The following GPHN variants were observed in gnomAD, a reference collection of about 807,000 sequenced individuals.
GPHN encodes gephyrin.
GPHN carries 17 observed loss-of-function variants against 95.5 expected under a neutral mutation model. The observed-to-expected ratio is 0.18, with a 90% CI of 0.12 to 0.27. The LOEUF (loss-of-function observed/expected upper bound fraction) is 0.27, where lower values mean the gene tolerates loss of function less well. Ranked by LOEUF, GPHN falls within the 10% of genes least tolerant of loss-of-function variation. GPHN has a pLI of 1.00. For missense variants in GPHN, 660 were observed against 978.1 expected (o/e 0.67, Z 4.34); for synonymous variants, 320 against 322.5 (o/e 0.99, Z 0.08).
intron 12 of GPHN, among the ~76,000 whole-genome samples, chr14:67,098,934 G>A (rs536724913): frequency 1.1e-4 from 16 of 152,114 alleles, no homozygotes; most frequent in East Asian, 1.9e-4. Context: ...GTTTATTCAC[G>A]TTTGAGATGC....
intron 12 of GPHN, among the ~76,000 whole-genome samples, chr14:67,090,831 A>G (rs2077118444): frequency 6.6e-6 from 1 of 151,978 alleles, no homozygotes; most frequent in Non-Finnish European, 1.5e-5. Flanking sequence ...TAAATTTTTT[A>G]GCTTCAGTTT....
the GPHN span, among the ~76,000 whole-genome samples, chr14:67,195,196 G>A: frequency 2.0e-5 from 3 of 152,190 alleles, no homozygotes; most frequent in Non-Finnish European, 4.4e-5. Context: ...TGATAAAAGA[G>A]CCTGTTAACA....
At chr14:67,522,738 G>A in the GPHN span, among the ~76,000 whole-genome samples, 3 of 152,144 alleles carry the variant, frequency 2.0e-5, no homozygotes, top group East Asian at 1.9e-4. Flanking sequence ...CATAGGAGCC[G>A]GCTGAGAGAC....
the GPHN span, among the ~76,000 whole-genome samples, chr14:67,308,580 C>G: frequency 7.2e-5 from 10 of 138,058 alleles, no homozygotes; most frequent in African/African-American, 2.8e-4. Context: ...GAGTTTCACT[C>G]TGTTGTCCAG....
chr14:67,722,957 G>A, the GPHN span, among the ~76,000 whole-genome samples: 13 of 152,178 alleles, frequency 8.5e-5, no homozygotes, highest in African/African-American at 2.9e-4. Flanking sequence ...TACTGCCAGC[G>A]GAAGGCTGCA....
At chr14:67,620,182 G>T in the GPHN span, 3 of 856,154 alleles carry the variant, frequency 3.5e-6, no homozygotes, top group Non-Finnish European at 5.2e-6. Context: ...GGGAGGCGAG[G>T]AGAGGATGGG....
At chr14:67,722,570 AG>A in the GPHN span, 3 of 1,303,160 alleles carry the variant, frequency 2.3e-6, no homozygotes, top group African/African-American at 2.9e-5. Flanking sequence ...GAGCCAGACC[AG>A]GAACCTGAGC....
At chr14:67,663,547 G>A in the GPHN span, among the ~76,000 whole-genome samples, 4 of 151,462 alleles carry the variant, frequency 2.6e-5, no homozygotes, top group Non-Finnish European at 3.0e-5. Context: ...GGTGGTGGGC[G>A]CCTGTATTCC....
At chr14:67,640,296 A>AC in the GPHN span, among the ~76,000 whole-genome samples, 1 of 152,128 alleles carries the variant, frequency 6.6e-6, no homozygotes, top group East Asian at 1.9e-4. Context: ...AAGTGTAATG[A>AC]CCAAAAGATA....
chr14:66,556,788 A>C (rs558271159), intron 1 of GPHN, among the ~76,000 whole-genome samples: 1 of 152,286 alleles, frequency 6.6e-6, no homozygotes, highest in East Asian at 1.9e-4. Flanking sequence ...TTATTTCATT[A>C]TAATTTTAAA....
At chr14:67,361,419 T>TA in the GPHN span, among the ~76,000 whole-genome samples, 1 of 152,246 alleles carries the variant, frequency 6.6e-6, no homozygotes, top group Non-Finnish European at 1.5e-5. Context: ...GATTCGGTGA[T>TA]AACTTTCTTT....
chr14:67,279,739 TG>T, the GPHN span: 1 of 446,284 alleles, frequency 2.2e-6, no homozygotes, highest in Non-Finnish European at 3.8e-6. Flanking sequence ...GTGGCTTAAA[TG>T]TTAAGTCACT....
chr14:67,094,978 TA>T (rs1424037677), intron 12 of GPHN, among the ~76,000 whole-genome samples: 2 of 152,210 alleles, frequency 1.3e-5, no homozygotes, highest in Non-Finnish European at 2.9e-5. Context: ...AGTTGTATAA[TA>T]GGCTATACCA....
At chr14:66,816,319 G>C (rs2319499) in intron 3 of GPHN, among the ~76,000 whole-genome samples, 1,910 of 152,222 alleles carry the variant, frequency 0.013, 19 homozygotes, top group Non-Finnish European at 0.018. Flanking sequence ...GATATCTACA[G>C]AACTCTCCAC....
chr14:67,340,222 G>T, the GPHN span: 15 of 472,706 alleles, frequency 3.2e-5, no homozygotes, highest in Non-Finnish European at 5.3e-5. Context: ...TTCTCTGAAA[G>T]GCCTAAGTTT....
intron 11 of GPHN, among the ~76,000 whole-genome samples, chr14:67,067,926 C>G (rs1190136862): frequency 1.3e-5 from 2 of 152,250 alleles, no homozygotes; most frequent in Non-Finnish European, 2.9e-5. Flanking sequence ...AGGTGACGCC[C>G]CGCCCTGCTT....
At chr14:66,938,953 CT>C (rs1244572951) in intron 8 of GPHN, among the ~76,000 whole-genome samples, 1 of 152,142 alleles carries the variant, frequency 6.6e-6, no homozygotes, top group Admixed American at 6.5e-5. Context: ...GGAAGACAGT[CT>C]TTTCAAAAAA....
At chr14:67,185,591 AAAGTT>A (rs1270478754), downstream of GPHN, among the ~76,000 whole-genome samples, 1 of 152,248 alleles carries the variant, frequency 6.6e-6, no homozygotes, top group African/African-American at 2.4e-5. Flanking sequence ...GCTGTGTAAA[AAAGTT>A]AAGCAGTTCC....
the GPHN span, among the ~76,000 whole-genome samples, chr14:67,369,937 A>G: frequency 1.3e-5 from 2 of 152,210 alleles, no homozygotes; most frequent in African/African-American, 2.4e-5. Context: ...GTGGGAAATC[A>G]GGGGTCTCAC....
Sources: allele counts gnomAD v4.1 joint callset (sites outside exome capture counted in the v4.1 genomes callset), GRCh38; gene constraint gnomAD v4.1.1; transcripts MANE v1.5; gene names NCBI Gene and HGNC (gene_info 2026-07-23, HGNC 2026-07-21).